Variants in ABCC12 observed in about 807,000 individuals in gnomAD.
ABCC12 encodes the protein ATP binding cassette subfamily C member 12.
A neutral mutation model predicts 151.1 loss-of-function variants in ABCC12; 142 were observed. That is an observed-to-expected ratio of 0.94 (90% confidence interval 0.82 to 1.08). ABCC12 has a LOEUF of 1.08. Ranked by LOEUF, ABCC12 falls within the 50% of genes least tolerant of loss-of-function variation. The pLI is 0.00. For synonymous variants in ABCC12, 645 were observed against 646.4 expected (o/e 1.00, Z 0.03); for missense variants, 1,638 against 1,691.1 (o/e 0.97, Z 0.55).
At chr16:48,111,051 C>T (rs1009293988) in intron 18 of ABCC12, among the ~76,000 whole-genome samples, 3 of 152,234 alleles carry the variant, frequency 2.0e-5, no homozygotes, top group East Asian at 3.8e-4. Context: ...TTGCCTCTAA[C>T]GAATCCCCAT....
chr16:48,087,333 C>T (rs1962660389), intron 27 of ABCC12: 3 of 157,482 alleles, frequency 1.9e-5, no homozygotes, highest in Admixed American at 6.0e-5. Flanking sequence ...ATACAGTTAC[C>T]CTACTTCATC....
At chr16:48,097,010 G>A (rs1963123754) in intron 23 of ABCC12, 108 bp from the exon 24 acceptor site, 2 of 1,367,834 alleles carry the variant, frequency 1.5e-6, no homozygotes, top group Non-Finnish European at 2.1e-6. Context: ...GGAGAAATGA[G>A]GCCAAGGAAT....
At chr16:48,107,461 A>AC in intron 19 of ABCC12, 36 bp from the exon 20 acceptor site, 2 of 1,568,800 alleles carry the variant, frequency 1.3e-6, no homozygotes, top group East Asian at 2.2e-5. Flanking sequence ...GGGGCTGCAG[A>AC]CATGAGCACA....
chr16:48,125,616 T>C (rs1317627283), intron 11 of ABCC12, among the ~76,000 whole-genome samples: 1 of 152,170 alleles, frequency 6.6e-6, no homozygotes, highest in African/African-American at 2.4e-5. Context: ...TCCACTCATG[T>C]TCAAGCAGAT....
At position 48,143,639 on chromosome 16, in the gene ABCC12, A is replaced by G. The variant is rs558424784; in HGVS notation, c.275+271T>C. ...GGAGGTAACTGAATCATGGGGGTGGATTTTCCTGTGCTGTTCTTGTGATAG... is the reference window on the plus strand; with the variant it reads ...GGAGGTAACTGAATCATGGGGGTGGGTTTTCCTGTGCTGTTCTTGTGATAG... On this transcript the variant is annotated intron_variant, in intron 4 of 30. Transcript: ENST00000311303. 2.6e-5 allele frequency among the ~76,000 whole-genome samples: 4 copies of G among 152,054 alleles called. No homozygotes were observed. In the South Asian group the frequency reaches 6.2e-4, roughly 24 times the overall value.
Position 48,083,669 on chromosome 16 carries a change from C to T in ABCC12, c.*46G>A, listed in dbSNP as rs1408910925. On this transcript the variant is annotated 3_prime_UTR_variant, in exon 31 of 31. Transcript: ENST00000311303. Reference sequence around the variant, plus strand: ...CCTCCTCCTGAAGACTCCTCCTATTCATCTCACAGAGCCTCTTCCTCCTCT... The same window carrying T: ...CCTCCTCCTGAAGACTCCTCCTATTTATCTCACAGAGCCTCTTCCTCCTCT... 4 of 1,591,982 alleles carry T rather than the reference C, an allele frequency of 2.5e-6. No individual in the cohort carries two copies. The Admixed American group carries it at 6.8e-5, about 27-fold the overall frequency.
intron 24 of ABCC12, among the ~76,000 whole-genome samples, chr16:48,092,941 G>A (rs1052451525): frequency 1.3e-5 from 2 of 152,168 alleles, no homozygotes; most frequent in African/African-American, 4.8e-5. Flanking sequence ...CGTGGAGAAC[G>A]CTATGGGTGC....
At chr16:48,150,766 A>G (rs1219461240) in intron 2 of ABCC12, among the ~76,000 whole-genome samples, 1 of 152,204 alleles carries the variant, frequency 6.6e-6, no homozygotes, top group Admixed American at 6.5e-5. Context: ...ATATGTATGC[A>G]TATTAACTAG....
chr16:48,130,994 G>C, intron 9 of ABCC12, 99 bp from the exon 10 acceptor site: 1 of 786,692 alleles, frequency 1.3e-6, no homozygotes, highest in Admixed American at 2.1e-5. Context: ...GATGAGAAAT[G>C]GTGGCATCGT....
intron 8 of ABCC12, among the ~76,000 whole-genome samples, chr16:48,135,240 G>A (rs548101429): frequency 2.0e-5 from 3 of 152,188 alleles, no homozygotes; most frequent in African/African-American, 7.2e-5. Flanking sequence ...TGCTTGGCAC[G>A]CAGCAAATAA....
Position 48,111,793 on chromosome 16 carries a change from G to C in ABCC12, c.2107C>G (p.Arg703Gly), listed in dbSNP as rs146815895. The C allele has an allele frequency of 6.2e-6, 10 of 1,613,970 alleles. No individual in the cohort carries two copies. The South Asian group carries it at 1.1e-4, about 18-fold the overall frequency. ...TGAGTTACCTTGAACTGCAATCCTC[G>C]CAGGTTGTGAATCAGTTTTGCATAG... ...GRYAKLIHNL[R>G]GLQFKDPEHL... The change falls in exon 16 of 31, where the codon CGA becomes GGA. Residue 703 changes from arginine to glycine, a missense_variant. Coordinates refer to ENST00000311303, the MANE Select transcript of ABCC12 (RefSeq NM_001393797.1).
intron 24 of ABCC12, among the ~76,000 whole-genome samples, chr16:48,094,753 G>T (rs1172260488): frequency 6.6e-6 from 1 of 152,124 alleles, no homozygotes; most frequent in African/African-American, 2.4e-5. Context: ...TTGCATTTGG[G>T]TACCTAAAAG....
At position 48,090,221 on chromosome 16, in the gene ABCC12, T is replaced by C. The variant is rs1341019126; in HGVS notation, c.3285+899A>G. 2.0e-5 allele frequency among the ~76,000 whole-genome samples: 3 copies of C among 152,086 alleles called. No individual in the cohort carries two copies. The East Asian group carries it at 5.8e-4, about 29-fold the overall frequency. The stretch of plus-strand genomic sequence containing the variant: ...TCAACTTATGACTTCAATCAAATAA[T>C]AATTTTTAACTTAAAAAAATTTTAG... On this transcript the variant is annotated intron_variant, in intron 25 of 30. Coordinates refer to ENST00000311303, the MANE Select transcript of ABCC12 (RefSeq NM_001393797.1).
intron 2 of ABCC12, among the ~76,000 whole-genome samples, chr16:48,147,287 A>G (rs1965035388): frequency 6.6e-6 from 1 of 152,230 alleles, no homozygotes; most frequent in Non-Finnish European, 1.5e-5. Flanking sequence ...GCCTAGTCTT[A>G]GTCCTTTCCT....
At chr16:48,083,834 G>C (rs183611143) in intron 30 of ABCC12, 33 bp from the exon 31 acceptor site, 1 of 1,613,994 alleles carries the variant, frequency 6.2e-7, no homozygotes, top group Admixed American at 1.7e-5. Context: ...TGAAATCATC[G>C]GAAAATATCT....
chr16:48,126,417 A>C (rs1964241656), intron 11 of ABCC12, among the ~76,000 whole-genome samples: 2 of 152,172 alleles, frequency 1.3e-5, no homozygotes, highest in South Asian at 4.1e-4. Flanking sequence ...AACTGTGAAC[A>C]AAAAACCCTG....
chr16:48,115,757 T>G, intron 14 of ABCC12, 139 bp from the exon 15 acceptor site: 1 of 873,416 alleles, frequency 1.1e-6, no homozygotes, highest in Non-Finnish European at 1.7e-6. Context: ...CCTCCGCCCC[T>G]TACAGGGCCC....
chr16:48,121,473 C>G (rs1487930412), intron 13 of ABCC12: 1 of 446,688 alleles, frequency 2.2e-6, no homozygotes, highest in Non-Finnish European at 4.0e-6. Flanking sequence ...GCTCCTCTGC[C>G]CTGGGAATGA....
Position 48,115,552 on chromosome 16 carries a change from A to G in ABCC12, c.1852T>C (p.Tyr618His). 1 of 1,614,182 alleles carries G rather than the reference A, an allele frequency of 6.2e-7. No individual in the cohort carries two copies. The highest frequency in any genetic ancestry group is 8.5e-7 in the Non-Finnish European group (1 of 1,180,016). Residue 618 changes from tyrosine (Y) to histidine (H), a missense_variant, in exon 15 of 31, where the codon TAC (tyrosine) becomes CAC (histidine). Tyr to His is a moderately conservative substitution (Grantham distance 83). Coordinates refer to ENST00000311303, the MANE Select transcript of ABCC12 (RefSeq NM_001393797.1). ...RQRISLARAV[Y>H]SDRQLYLLDD... Reference sequence around the variant, plus strand: ...AGCAGGTAGAGCTGACGGTCGGAGTAGACAGCGCGGGCCAGGCTAATCCTC... The same window carrying G: ...AGCAGGTAGAGCTGACGGTCGGAGTGGACAGCGCGGGCCAGGCTAATCCTC...
Sources: allele counts gnomAD v4.1 joint callset (sites outside exome capture counted in the v4.1 genomes callset), GRCh38; gene constraint gnomAD v4.1.1; transcripts MANE v1.5; gene names NCBI Gene and HGNC (gene_info 2026-07-23, HGNC 2026-07-21).